VPS13D: variants seen among roughly 807,000 people sequenced by gnomAD.
VPS13D encodes intermembrane lipid transfer protein VPS13D.
Under a neutral mutation model 461.9 loss-of-function variants are expected in VPS13D, and 187 were observed. The observed-to-expected ratio is 0.40, with a 90% CI of 0.36 to 0.46. The LOEUF (loss-of-function observed/expected upper bound fraction) is 0.46. VPS13D is among the 20% of genes least tolerant of loss of function. The probability of loss-of-function intolerance (pLI) is 0.60; values close to 1 mark genes in which losing one functional copy is unlikely to be tolerated. For synonymous variants in VPS13D, 1,951 were observed against 1,986.3 expected, an observed-to-expected ratio of 0.98 and a Z score of 0.47; for missense variants, 4,711 against 5,364.9, an observed-to-expected ratio of 0.88 and a Z score of 3.81.
intron 60 of VPS13D, among the ~76,000 whole-genome samples, chr1:12,394,932 C>G (rs974922070): frequency 1.3e-5 from 2 of 152,228 alleles, no homozygotes; most frequent in Non-Finnish European, 2.9e-5. Flanking sequence ...ACTATTATCC[C>G]ATACCCTTAA....
At position 12,440,663 on chromosome 1, in the gene VPS13D, G is replaced by T. The variant is rs550531278; in HGVS notation, c.12334-15335G>T. On this transcript the variant is annotated intron_variant, in intron 65 of 69. Transcript: ENST00000620676. ...GGCTGAGGTGGGTGGATCACTTGAG[G>T]CCAGGAGTTGGAGCTCAGCCTGGCC... Among the ~76,000 whole-genome samples, 120 of 152,138 alleles carry T rather than the reference G, an allele frequency of 7.9e-4. 1 individual carries two copies. The highest frequency in any genetic ancestry group is 1.2e-3 in the Non-Finnish European group (83 of 68,032).
At chr1:12,237,091 ATATG>A (rs1640173601) in intron 2 of VPS13D, among the ~76,000 whole-genome samples, 1 of 151,426 alleles carries the variant, frequency 6.6e-6, no homozygotes, top group African/African-American at 2.4e-5. Context: ...ATGTATATAT[ATATG>A]TGTGTATGTG....
chr1:12,415,624 G>T (rs1262216947), intron 64 of VPS13D, among the ~76,000 whole-genome samples: 1 of 148,494 alleles, frequency 6.7e-6, no homozygotes. Flanking sequence ...AAATCACCTT[G>T]GACATTTTCC....
intron 22 of VPS13D, among the ~76,000 whole-genome samples, chr1:12,288,538 CCCT>C (rs1013191391): frequency 1.3e-5 from 2 of 151,828 alleles, no homozygotes; most frequent in African/African-American, 4.8e-5. Context: ...ACAGCCTCTT[CCCT>C]CCTCCTGTCT....
At position 12,293,572 on chromosome 1, in the gene VPS13D, G is replaced by C. The variant is rs938498970; in HGVS notation, c.5901G>C (p.Val1967=). 6.2e-7 allele frequency: 1 copy of C among 1,614,008 alleles called. No individual in the cohort carries two copies. ...TCCGGAGAGAACACGACATTCGCGT[G>C]AGCCTCCGGATGGCCTCTGTGCAGT... ...PLLRREHDIR[V]SLRMASVQYV... is the part of the protein sequence containing the mutation. The change falls in exon 24 of 70, where the codon GTG becomes GTC. Residue 1967 remains valine, a synonymous_variant. Coordinates refer to ENST00000620676, the MANE Select transcript of VPS13D (RefSeq NM_015378.4).
In VPS13D at chr1:12,276,934, C is replaced by G; in HGVS notation, c.3346C>G (p.Pro1116Ala). 6.2e-7 allele frequency: 1 copy of G among 1,614,144 alleles called. No individual in the cohort carries two copies. Among genetic ancestry groups the G allele is most frequent in the Non-Finnish European group, 8.5e-7 (1 of 1,180,018 alleles). Residue 1116 changes from proline to alanine, a missense_variant, in exon 19 of 70, where the codon CCA becomes GCA. Transcript: ENST00000620676. This position sits in a 1 kb window ranked among gnomAD's most constrained non-coding sequence, Gnocchi z 4.5. Reference sequence around the variant, plus strand: ...GAATAATTTAGATATTATCCTCAATCCAGAGACGATTGTGGAGCTAATTGG... The same window carrying G: ...GAATAATTTAGATATTATCCTCAATGCAGAGACGATTGTGGAGCTAATTGG... ...QVNNLDIILN[P>A]ETIVELIGFL...
intron 60 of VPS13D, among the ~76,000 whole-genome samples, chr1:12,388,373 G>A (rs1199306791): frequency 2.0e-5 from 3 of 152,186 alleles, no homozygotes; most frequent in Middle Eastern, 3.4e-3. Flanking sequence ...TCAGGAGTTC[G>A]GGACCAGCCT....
chr1:12,269,048 G>A (rs1641357966), intron 16 of VPS13D, among the ~76,000 whole-genome samples, 172 bp downstream of exon 16: 1 of 152,154 alleles, frequency 6.6e-6, no homozygotes, highest in Non-Finnish European at 1.5e-5. Flanking sequence ...AGATATTTGT[G>A]GACAGTCTTT....
intron 40 of VPS13D, among the ~76,000 whole-genome samples, chr1:12,340,822 C>T (rs1056072456): frequency 2.6e-5 from 4 of 152,192 alleles, no homozygotes; most frequent in African/African-American, 9.7e-5. Context: ...AACCAGGAGG[C>T]TTTCTCACAC....
rs752546918 is a variant in VPS13D, at chr1:12,415,201, A to T, written c.12145A>T (p.Ile4049Phe). The change falls in exon 64 of 70, where the codon ATC becomes TTC. Residue 4049 changes from isoleucine (I) to phenylalanine (F), a missense_variant. Ile to Phe is a conservative substitution (Grantham distance 21). Around this residue, in one of 3 missense-constraint regions of VPS13D, gnomAD observed 4,411 missense variants for 4,937.8 expected, o/e 0.89. Coordinates refer to ENST00000620676, the MANE Select transcript of VPS13D (RefSeq NM_015378.4). The part of the protein sequence containing the change: ...YETKEFIIND[I>F]LKHFQEELLS... ...GACCAAGGAGTTCATCATCAATGAT[A>T]TCCTCAAACATTTCCAGGAGGTGAG... 2.5e-6 allele frequency: 4 copies of T among 1,614,154 alleles called. No homozygotes were observed. Among genetic ancestry groups the T allele is most frequent in the Non-Finnish European group, 3.4e-6 (4 of 1,180,010 alleles).
Position 12,257,082 on chromosome 1 carries a change from T to C in VPS13D, c.936T>C (p.Ser312=). 3 of 1,613,990 alleles carry C rather than the reference T, an allele frequency of 1.9e-6. No homozygotes were observed. The Middle Eastern group carries it at 4.9e-4, about 266-fold the overall frequency. The stretch of plus-strand genomic sequence containing the variant: ...GGTGGAAACCCAAGGTGGCGATATC[T>C]AAGAAGTAAGGGCTTCTCAGTGTGG... The part of the protein sequence containing the change: ...FRRWKPKVAI[S]KNCREWWYFA... Residue 312 remains serine, a synonymous_variant, in exon 9 of 70, where the codon TCT becomes TCC. Transcript: ENST00000620676.
chr1:12,406,224 C>T (rs975132061), intron 63 of VPS13D, among the ~76,000 whole-genome samples: 1 of 152,100 alleles, frequency 6.6e-6, no homozygotes, highest in Non-Finnish European at 1.5e-5. Context: ...TTTACTGTGT[C>T]TTGAGTCTCC....
At chr1:12,386,762 A>G (rs1233152972) in intron 60 of VPS13D, among the ~76,000 whole-genome samples, 3 of 152,208 alleles carry the variant, frequency 2.0e-5, no homozygotes, top group Non-Finnish European at 4.4e-5. Flanking sequence ...AAATAAGAAG[A>G]CAATGGTATT....
chr1:12,405,183 C>T (rs945502188), intron 63 of VPS13D, among the ~76,000 whole-genome samples: 4 of 152,236 alleles, frequency 2.6e-5, no homozygotes, highest in Non-Finnish European at 4.4e-5. Context: ...GGGGCCGCCA[C>T]AACCCGCTCC....
rs543753253 is a variant in VPS13D at position 12,263,052 on chromosome 1, A to G, written c.1594+972A>G. Among the ~76,000 whole-genome samples, 4 of 152,234 alleles carry G rather than the reference A, an allele frequency of 2.6e-5. No homozygotes were observed. In the South Asian group the frequency reaches 6.2e-4, roughly 24 times the overall value. ...GGTGGGTTTATCATAACTCCATCCT[A>G]AGTCAAGGAGCATTGTGTTATTGAT... On this transcript the variant is annotated intron_variant, in intron 13 of 69. Transcript: ENST00000620676.
intron 69 of VPS13D, among the ~76,000 whole-genome samples, chr1:12,508,010 G>A (rs1303642832): frequency 2.6e-5 from 4 of 152,202 alleles, no homozygotes; most frequent in Admixed American, 1.3e-4. Context: ...TCTCTCCTCC[G>A]GAGTCCTTTG....
chr1:12,432,737 G>A lies in VPS13D; in HGVS notation c.12333+15910G>A, dbSNP rs759325621. Among the ~76,000 whole-genome samples the A allele has an allele frequency of 6.6e-4, 100 of 151,804 alleles. 5 individuals carry two copies. The highest frequency in any genetic ancestry group is 3.9e-4 in the Admixed American group (6 of 15,232). Reference sequence around the variant, plus strand: ...CGGCCTCCTGAGTAGCTGGGACTACGGGAGCACACCACCACACCTGGCTAA... The same window carrying A: ...CGGCCTCCTGAGTAGCTGGGACTACAGGAGCACACCACCACACCTGGCTAA... On this transcript the variant is annotated intron_variant, in intron 65 of 69. Coordinates refer to ENST00000620676, the MANE Select transcript of VPS13D (RefSeq NM_015378.4).
chr1:12,244,748 A>T (rs1249042361), intron 5 of VPS13D, 131 bp downstream of exon 5: 1 of 789,018 alleles, frequency 1.3e-6, no homozygotes, highest in African/African-American at 1.7e-5. Context: ...CTGGCTGCTC[A>T]GGTCTGCCCT....
intron 67 of VPS13D, among the ~76,000 whole-genome samples, chr1:12,482,082 G>C (rs973963923): frequency 6.6e-6 from 1 of 152,214 alleles, no homozygotes; most frequent in Non-Finnish European, 1.5e-5. Context: ...AAGCAAGACC[G>C]TGCTGGAGAA....
Sources: gnomAD v4.1 joint callset for allele counts (sites outside exome capture counted in the v4.1 genomes callset) on GRCh38, gnomAD v4.1.1 for gene constraint, gnomAD v4.1.1 regional missense constraint, Gnocchi (gnomAD v3.1) non-coding constraint, MANE v1.5 for transcripts, NCBI Gene and HGNC (gene_info 2026-07-23, HGNC 2026-07-21) for gene names.